CIRSR: variants seen among roughly 807,000 people sequenced by gnomAD.
The protein encoded by CIRSR is CBF1 (RBPJ) interacting corepressor 1.
the CIRSR span, among the ~76,000 whole-genome samples, chr2:174,355,564 T>A: frequency 3.9e-5 from 6 of 152,146 alleles, no homozygotes; most frequent in Admixed American, 1.3e-4. Flanking sequence ...AAATACCAAT[T>A]GTGTACAGTT....
the CIRSR span, chr2:174,351,670 T>A: frequency 6.2e-7 from 1 of 1,613,974 alleles, no homozygotes; most frequent in Non-Finnish European, 8.5e-7. Context: ...TTCGTTTCAG[T>A]GCAAACCCAC....
chr2:174,387,674 G>A, the CIRSR span: 4 of 1,575,206 alleles, frequency 2.5e-6, no homozygotes, highest in Non-Finnish European at 2.6e-6. Flanking sequence ...TGGCATAACA[G>A]AATTTCTTAC....
chr2:174,392,312 G>A, the CIRSR span, among the ~76,000 whole-genome samples: 1 of 152,040 alleles, frequency 6.6e-6, no homozygotes, highest in Non-Finnish European at 1.5e-5. Flanking sequence ...TTCTTTTTGG[G>A]GTGATGACAA....
At chr2:174,357,582 A>T in the CIRSR span, among the ~76,000 whole-genome samples, 1 of 152,204 alleles carries the variant, frequency 6.6e-6, no homozygotes, top group African/African-American at 2.4e-5. Context: ...TCTTTCCTAA[A>T]GTTAAATTGG....
chr2:174,376,382 C>T, the CIRSR span, among the ~76,000 whole-genome samples: 1 of 152,192 alleles, frequency 6.6e-6, no homozygotes, highest in South Asian at 2.1e-4. Flanking sequence ...TTCACTTGAT[C>T]CTGAAAAAGT....
chr2:174,360,817 A>C, the CIRSR span, among the ~76,000 whole-genome samples: 1 of 152,214 alleles, frequency 6.6e-6, no homozygotes, highest in Non-Finnish European at 1.5e-5. Flanking sequence ...AATTATAATA[A>C]TGTGTATAAA....
the CIRSR span, chr2:174,351,653 A>C: frequency 6.2e-7 from 1 of 1,613,970 alleles, no homozygotes; most frequent in Non-Finnish European, 8.5e-7. Context: ...GTTTCTCCCC[A>C]GTACATTTCG....
At chr2:174,371,091 T>C in the CIRSR span, among the ~76,000 whole-genome samples, 4 of 152,104 alleles carry the variant, frequency 2.6e-5, no homozygotes, top group African/African-American at 9.7e-5. Context: ...TAGGCAAATC[T>C]ATAGAGACAG....
At chr2:174,386,092 T>C in the CIRSR span, among the ~76,000 whole-genome samples, 276 of 152,330 alleles carry the variant, frequency 1.8e-3, 1 homozygote, top group Admixed American at 2.4e-3. Flanking sequence ...CCACTCTGTT[T>C]TTATCCCTCT....
At chr2:174,372,369 C>A in the CIRSR span, among the ~76,000 whole-genome samples, 4 of 152,134 alleles carry the variant, frequency 2.6e-5, no homozygotes, top group African/African-American at 9.7e-5. Context: ...TCCTTCCAAT[C>A]CTTTTTCTAA....
At chr2:174,380,936 G>T in the CIRSR span, 2 of 775,644 alleles carry the variant, frequency 2.6e-6, no homozygotes, top group South Asian at 2.4e-5. Context: ...AGAATTCATT[G>T]GTTTGACTTT....
At chr2:174,369,723 GA>G in the CIRSR span, among the ~76,000 whole-genome samples, 3 of 152,192 alleles carry the variant, frequency 2.0e-5, no homozygotes, top group Admixed American at 2.0e-4. Context: ...AAGGGAGAGA[GA>G]TAAGGGAAGA....
At chr2:174,365,391 C>G in the CIRSR span, among the ~76,000 whole-genome samples, 3 of 152,190 alleles carry the variant, frequency 2.0e-5, no homozygotes, top group Non-Finnish European at 4.4e-5. Context: ...CCAAACTGTT[C>G]CAACCTCTGC....
chr2:174,375,701 T>C, the CIRSR span, among the ~76,000 whole-genome samples: 6 of 152,352 alleles, frequency 3.9e-5, no homozygotes, highest in East Asian at 3.9e-4. Flanking sequence ...CAAGGTTCGA[T>C]GGGCAAAAAG....
the CIRSR span, among the ~76,000 whole-genome samples, chr2:174,382,661 T>C: frequency 3.9e-5 from 6 of 151,938 alleles, no homozygotes; most frequent in Non-Finnish European, 7.4e-5. Flanking sequence ...AGCAAAAAAG[T>C]CTACACATGC....
At chr2:174,373,120 T>A in the CIRSR span, among the ~76,000 whole-genome samples, 1 of 152,254 alleles carries the variant, frequency 6.6e-6, no homozygotes, top group South Asian at 2.1e-4. Flanking sequence ...TTATGTGGCA[T>A]CACAGATGGT....
chr2:174,377,378 T>C, the CIRSR span, among the ~76,000 whole-genome samples: 1 of 152,284 alleles, frequency 6.6e-6, no homozygotes, highest in East Asian at 1.9e-4. Context: ...AGGCATTAGG[T>C]ATGTAAGCTT....
the CIRSR span, among the ~76,000 whole-genome samples, chr2:174,391,771 A>G: frequency 6.6e-6 from 1 of 152,242 alleles, no homozygotes; most frequent in African/African-American, 2.4e-5. Flanking sequence ...ATACAATGGA[A>G]TATTATTTAG....
the CIRSR span, among the ~76,000 whole-genome samples, chr2:174,350,359 G>T: frequency 2.6e-5 from 4 of 152,186 alleles, no homozygotes; most frequent in Non-Finnish European, 2.9e-5. Context: ...AGAACAAATT[G>T]TGTGCGAAGA....
Sources: allele counts gnomAD v4.1 joint callset (sites outside exome capture counted in the v4.1 genomes callset), GRCh38; gene constraint gnomAD v4.1.1; transcripts MANE v1.5; gene names NCBI Gene and HGNC (gene_info 2026-07-23, HGNC 2026-07-21).